Variants in SGK3 observed in about 807,000 individuals in gnomAD.
SGK3 encodes the protein serum/glucocorticoid regulated kinase family member 3, also known as serine/threonine-protein kinase Sgk3.
SGK3 carries 47 observed loss-of-function variants against 68.5 expected under a neutral mutation model. The ratio of observed to expected loss-of-function variants is 0.69; its 90% CI spans 0.54 to 0.87. The LOEUF (loss-of-function observed/expected upper bound fraction) is 0.87, where lower values mean the gene tolerates loss of function less well. Among genes scored for constraint, SGK3 ranks in the 40% least tolerant of loss-of-function variants. SGK3 has a pLI of 0.00. For synonymous variants in SGK3, 181 were observed against 189.1 expected (o/e 0.96, Z 0.35); for missense variants, 479 against 575.5 (o/e 0.83, Z 1.72).
intron 1 of SGK3, among the ~76,000 whole-genome samples, chr8:66,713,998 T>G (rs1804566700): frequency 6.6e-6 from 1 of 152,208 alleles, no homozygotes; most frequent in African/African-American, 2.4e-5. Flanking sequence ...CCTGAATGAC[T>G]TGTGTAACAT....
chr8:66,829,070 G>A (rs1809190472), intron 7 of SGK3, among the ~76,000 whole-genome samples: 1 of 151,704 alleles, frequency 6.6e-6, no homozygotes, highest in Non-Finnish European at 1.5e-5. Flanking sequence ...AAGCACCCTT[G>A]CAGGCCTAAT....
At chr8:66,814,734 C>T (rs997450659) in intron 5 of SGK3, among the ~76,000 whole-genome samples, 1 of 152,136 alleles carries the variant, frequency 6.6e-6, no homozygotes, top group Non-Finnish European at 1.5e-5. Flanking sequence ...GTGTCTCATG[C>T]GGACAGGTTT....
chr8:66,717,996 C>T (rs557665377), intron 1 of SGK3, among the ~76,000 whole-genome samples: 13 of 151,674 alleles, frequency 8.6e-5, no homozygotes, highest in African/African-American at 2.7e-4. Flanking sequence ...CCACTGCGCC[C>T]GGCCTACTCT....
chr8:66,756,952 G>A (rs1805996388), intron 1 of SGK3, among the ~76,000 whole-genome samples: 1 of 151,894 alleles, frequency 6.6e-6, no homozygotes, highest in Non-Finnish European at 1.5e-5. Flanking sequence ...ATTTATTGAT[G>A]ACCCAGTCTC....
intron 1 of SGK3, among the ~76,000 whole-genome samples, chr8:66,748,223 T>TATA: frequency 6.6e-6 from 1 of 152,194 alleles, no homozygotes; most frequent in South Asian, 2.1e-4. Context: ...ATATAAATCC[T>TATA]TTCTTCTCAT....
intron 1 of SGK3, among the ~76,000 whole-genome samples, chr8:66,752,207 A>G (rs1805838454): frequency 6.6e-6 from 1 of 152,178 alleles, no homozygotes; most frequent in African/African-American, 2.4e-5. Context: ...AAGAGTGCGT[A>G]GTAGAGGGGG....
chr8:66,771,376 A>G (rs1213980461), intron 1 of SGK3, among the ~76,000 whole-genome samples: 4 of 152,218 alleles, frequency 2.6e-5, no homozygotes, highest in Non-Finnish European at 4.4e-5. Context: ...CATTTTCAAA[A>G]CACAAGGGGC....
chr8:66,758,011 T>TAC (rs374764386), intron 1 of SGK3, among the ~76,000 whole-genome samples: 8,451 of 133,598 alleles, frequency 0.063, 291 homozygotes, highest in Non-Finnish European at 0.083. Context: ...ACACACACAC[T>TAC]ACACACACAC....
chr8:66,774,616 G>A lies in SGK3; in HGVS notation c.-121-19000G>A, dbSNP rs572086198. ...ACGGACATTCATGCCAAACCCGGCC[G>A]CGTCTGCTCTCTCGTGATGCGCCTG... On this transcript the variant is annotated intron_variant, in intron 1 of 16. Coordinates refer to ENST00000521198, the MANE Select transcript of SGK3 (RefSeq NM_001033578.3). Among the ~76,000 whole-genome samples, 4 of 152,220 alleles carry A rather than the reference G, an allele frequency of 2.6e-5. No individual in the cohort carries two copies. The South Asian group carries it at 8.3e-4, about 32-fold the overall frequency.
At chr8:66,766,929 G>T (rs1236259536) in intron 1 of SGK3, among the ~76,000 whole-genome samples, 1 of 152,250 alleles carries the variant, frequency 6.6e-6, no homozygotes, top group South Asian at 2.1e-4. Flanking sequence ...TCCGCCCACC[G>T]CAATCTCTGC....
chr8:66,762,413 A>G (rs1261619751), intron 1 of SGK3, among the ~76,000 whole-genome samples: 1 of 152,178 alleles, frequency 6.6e-6, no homozygotes. Context: ...GGTACTCGGG[A>G]GGCTGAGGCA....
intron 8 of SGK3, among the ~76,000 whole-genome samples, chr8:66,832,875 T>C (rs574661216): frequency 1.3e-5 from 2 of 152,184 alleles, no homozygotes; most frequent in South Asian, 2.1e-4. Flanking sequence ...GCTGATCTTA[T>C]ACAGTTTATG....
chr8:66,824,449 C>T (rs982391619), intron 6 of SGK3, among the ~76,000 whole-genome samples: 10 of 147,500 alleles, frequency 6.8e-5, no homozygotes, highest in African/African-American at 2.7e-4. Context: ...ATTTTTATTG[C>T]TCTACCAAAT....
intron 1 of SGK3, among the ~76,000 whole-genome samples, chr8:66,758,876 C>T (rs1234870286): frequency 6.6e-6 from 1 of 152,002 alleles, no homozygotes; most frequent in Non-Finnish European, 1.5e-5. Flanking sequence ...GTATTAGTTT[C>T]CTAGGACTGC....
chr8:66,838,224 C>G (rs1323422692), intron 10 of SGK3, among the ~76,000 whole-genome samples: 1 of 152,082 alleles, frequency 6.6e-6, no homozygotes, highest in Non-Finnish European at 1.5e-5. Flanking sequence ...TGCCATGACG[C>G]CCAGCTAATT....
At chr8:66,758,310 C>T (rs1482945640) in intron 1 of SGK3, among the ~76,000 whole-genome samples, 11 of 151,920 alleles carry the variant, frequency 7.2e-5, no homozygotes, top group Admixed American at 2.6e-4. Flanking sequence ...GCCGAGATCG[C>T]GCCATTGCAC....
chr8:66,852,464 T>C (rs2130751984), intron 16 of SGK3, among the ~76,000 whole-genome samples: 1 of 152,092 alleles, frequency 6.6e-6, no homozygotes, highest in African/African-American at 2.4e-5. Context: ...GTATTTTTAG[T>C]AGAGATGGGG....
chr8:66,825,140 TGA>T (rs1809000787), intron 6 of SGK3, among the ~76,000 whole-genome samples: 2 of 152,188 alleles, frequency 1.3e-5, no homozygotes, highest in African/African-American at 4.8e-5. Context: ...AGAACCAAGC[TGA>T]GAGATTTCTG....
chr8:66,743,141 T>A (rs1029076265), intron 1 of SGK3, among the ~76,000 whole-genome samples: 3 of 152,220 alleles, frequency 2.0e-5, no homozygotes, highest in Non-Finnish European at 4.4e-5. Flanking sequence ...TTTTTAAAAC[T>A]GTGGGTTGCA....
Sources: allele counts gnomAD v4.1 joint callset (sites outside exome capture counted in the v4.1 genomes callset), GRCh38; gene constraint gnomAD v4.1.1; transcripts MANE v1.5; gene names NCBI Gene and HGNC (gene_info 2026-07-23, HGNC 2026-07-21).